The following VDAC1 variants were observed in gnomAD, a reference collection of about 807,000 sequenced individuals.
VDAC1 encodes the protein non-selective voltage-gated ion channel VDAC1.
VDAC1 carries 10 observed loss-of-function variants against 34.7 expected under a neutral mutation model. The observed-to-expected ratio is 0.29, with a 90% CI of 0.18 to 0.49. The LOEUF is 0.49. Ranked by LOEUF, VDAC1 falls within the 20% of genes least tolerant of loss-of-function variation. VDAC1 has a pLI of 0.99. For missense variants in VDAC1, 230 were observed against 347.9 expected (o/e 0.66, Z 2.69); for synonymous variants, 130 against 136.0 (o/e 0.96, Z 0.30).
the VDAC1 span, among the ~76,000 whole-genome samples, chr5:134,026,551 T>C: frequency 1.3e-5 from 2 of 149,610 alleles, no homozygotes; most frequent in East Asian, 1.9e-4. Context: ...ACTAAACATT[T>C]GATCAAAATG....
intron 6 of VDAC1, among the ~76,000 whole-genome samples, chr5:133,979,424 CTTTTTTTTTT>C (rs71581380): frequency 1.2e-5 from 1 of 80,992 alleles, no homozygotes; most frequent in Non-Finnish European, 2.1e-5. Context: ...ATTTTCTTTG[CTTTTTTTTTT>C]TTTTTTTTTT....
At chr5:133,998,095 G>A (rs1161421397) in intron 1 of VDAC1, among the ~76,000 whole-genome samples, 1 of 150,968 alleles carries the variant, frequency 6.6e-6, no homozygotes, top group East Asian at 1.9e-4. Context: ...AAGAAAGAAA[G>A]CTAGCTAGCT....
the VDAC1 span, among the ~76,000 whole-genome samples, chr5:134,041,460 T>C: frequency 6.6e-6 from 1 of 152,232 alleles, no homozygotes; most frequent in East Asian, 1.9e-4. Flanking sequence ...AGGCCAGCCC[T>C]GATGGCCAAC....
At chr5:134,072,958 C>G in the VDAC1 span, among the ~76,000 whole-genome samples, 1 of 152,206 alleles carries the variant, frequency 6.6e-6, no homozygotes, top group South Asian at 2.1e-4. Flanking sequence ...CAGAACCCTT[C>G]ATTTAGCTCC....
chr5:134,036,039 A>C, the VDAC1 span, among the ~76,000 whole-genome samples: 1 of 152,058 alleles, frequency 6.6e-6, no homozygotes, highest in African/African-American at 2.4e-5. Context: ...CCCATTTGCC[A>C]AACAGTACAG....
the VDAC1 span, among the ~76,000 whole-genome samples, chr5:134,022,677 G>A: frequency 8.7e-3 from 1,330 of 152,342 alleles, 9 homozygotes; most frequent in Middle Eastern, 0.024. Context: ...GCACTACGAG[G>A]ATGGGGGTGG....
the VDAC1 span, among the ~76,000 whole-genome samples, chr5:134,092,299 T>C: frequency 6.6e-6 from 1 of 152,194 alleles, no homozygotes. Context: ...TCCTAAAGAC[T>C]TCAATAGAGG....
the VDAC1 span, among the ~76,000 whole-genome samples, chr5:134,022,284 A>G: frequency 1.3e-5 from 2 of 152,148 alleles, no homozygotes; most frequent in Non-Finnish European, 2.9e-5. Context: ...GAAAATTATT[A>G]TTTACATCCA....
the VDAC1 span, among the ~76,000 whole-genome samples, chr5:134,109,637 G>A: frequency 1.3e-5 from 2 of 152,140 alleles, no homozygotes; most frequent in African/African-American, 4.8e-5. Context: ...GAGCGTGGTG[G>A]CAGGTGCCTG....
chr5:133,982,447 G>C (rs560769416), intron 5 of VDAC1, among the ~76,000 whole-genome samples: 14 of 151,840 alleles, frequency 9.2e-5, no homozygotes, highest in Admixed American at 3.3e-4. Flanking sequence ...GGGAGGCAGA[G>C]GTTGCAGTGA....
chr5:134,103,815 C>T, the VDAC1 span, among the ~76,000 whole-genome samples: 3 of 152,184 alleles, frequency 2.0e-5, no homozygotes, highest in East Asian at 1.9e-4. Flanking sequence ...GCAGGAGGAG[C>T]GGGGGCAAAA....
chr5:133,991,041 G>A lies in VDAC1; in HGVS notation c.231C>T (p.Thr77=), dbSNP rs144929641. The A allele has an allele frequency of 3.7e-5, 60 of 1,613,904 alleles. No individual in the cohort carries two copies. Among genetic ancestry groups the A allele is most frequent in the Middle Eastern group, 1.6e-4 (1 of 6,084 alleles). ...TAATCTCGGTGCCTAGTGTATTGTC[G>A]GTATTCCATTTCTCTGTAAACGTCA... ...YGLTFTEKWN[T]DNTLGTEITV... is the part of the protein sequence containing the mutation. Residue 77 remains threonine, a synonymous_variant, in exon 4 of 9, where the codon ACC becomes ACT. Transcript: ENST00000265333.
At chr5:134,055,451 G>A in the VDAC1 span, among the ~76,000 whole-genome samples, 11 of 151,884 alleles carry the variant, frequency 7.2e-5, no homozygotes, top group African/African-American at 2.2e-4. Context: ...ATGGAGTCTC[G>A]CTCTGTCACC....
chr5:134,087,623 G>C, the VDAC1 span, among the ~76,000 whole-genome samples: 2 of 152,208 alleles, frequency 1.3e-5, no homozygotes, highest in Non-Finnish European at 2.9e-5. Context: ...GGGAGGCTGA[G>C]GCGGGCAGAT....
the VDAC1 span, among the ~76,000 whole-genome samples, chr5:134,099,725 G>A: frequency 3.3e-5 from 5 of 152,168 alleles, no homozygotes; most frequent in Non-Finnish European, 5.9e-5. Flanking sequence ...GACTACAGGC[G>A]CATGCCATCA....
the VDAC1 span, among the ~76,000 whole-genome samples, chr5:134,031,830 A>T: frequency 5.9e-5 from 9 of 152,160 alleles, no homozygotes; most frequent in African/African-American, 2.2e-4. Flanking sequence ...AGGTGCCTGT[A>T]ATCCCAGCTA....
chr5:133,984,417 AGCGTGTGTGTGTGTGT>A (rs1752825282), intron 5 of VDAC1, among the ~76,000 whole-genome samples: 1 of 105,886 alleles, frequency 9.4e-6, no homozygotes, highest in Non-Finnish European at 1.8e-5. Flanking sequence ...CACAATGACC[AGCGTGTGTGTGTGTGT>A]GTGTGTGTGT....
At chr5:134,104,062 G>A in the VDAC1 span, among the ~76,000 whole-genome samples, 153 of 142,778 alleles carry the variant, frequency 1.1e-3, no homozygotes, top group African/African-American at 3.6e-3. Flanking sequence ...CCTGGGTCCC[G>A]AAATCCACCA....
the VDAC1 span, among the ~76,000 whole-genome samples, chr5:134,101,694 G>C: frequency 1.3e-5 from 2 of 152,192 alleles, no homozygotes; most frequent in African/African-American, 4.8e-5. Flanking sequence ...AGCCTGAGTA[G>C]CTGTGTCAGG....
Sources: allele counts gnomAD v4.1 joint callset (sites outside exome capture counted in the v4.1 genomes callset), GRCh38; gene constraint gnomAD v4.1.1; transcripts MANE v1.5; gene names NCBI Gene and HGNC (gene_info 2026-07-23, HGNC 2026-07-21).